The following SHROOM2 variants were observed in gnomAD, a reference collection of about 807,000 sequenced individuals.
SHROOM2 encodes the protein shroom family member 2, also known as protein Shroom2.
In SHROOM2, 33 loss-of-function variants were observed where a neutral mutation model predicts 75.9. The ratio of observed to expected loss-of-function variants is 0.43; its 90% CI spans 0.33 to 0.58. The LOEUF is 0.58. Ranked by LOEUF, SHROOM2 falls within the 20% of genes least tolerant of loss-of-function variation. SHROOM2 has a pLI of 0.04. For synonymous variants in SHROOM2, 655 were observed against 663.6 expected, an observed-to-expected ratio of 0.99 and a Z score of 0.20; for missense variants, 1,434 against 1,461.2, an observed-to-expected ratio of 0.98 and a Z score of 0.30.
chrX:9,902,841 C>T (rs1027930383), intron 5 of SHROOM2, among the ~76,000 whole-genome samples: 1 of 111,568 alleles, frequency 9.0e-6, no homozygotes, highest in African/African-American at 3.3e-5. Flanking sequence ...TCTGTGCCTT[C>T]TTGCAGCCAC....
At chrX:9,863,837 A>G (rs1366525204) in intron 1 of SHROOM2, among the ~76,000 whole-genome samples, 1 of 110,863 alleles carries the variant, frequency 9.0e-6, no homozygotes, top group Non-Finnish European at 1.9e-5. Flanking sequence ...TTTCTTTCCT[A>G]ATAGAGATTT....
At chrX:9,808,240 C>T (rs1005217954) in intron 1 of SHROOM2, among the ~76,000 whole-genome samples, 1 of 110,754 alleles carries the variant, frequency 9.0e-6, no homozygotes, top group Non-Finnish European at 1.9e-5. Context: ...TCCTGCACTT[C>T]TTTTTTCTTG....
Position 9,786,610 on chromosome X carries a change from A to G in SHROOM2, c.65A>G (p.Asp22Gly). Reference sequence around the variant, plus strand: ...GCCGAGGCCGAGACGCGGGCGGCGGACGGCGGGCGCCTGGTGGAGGTGCAG... The same window carrying G: ...GCCGAGGCCGAGACGCGGGCGGCGGGCGGCGGGCGCCTGGTGGAGGTGCAG... Reference protein sequence around the residue: ...RLAEAETRAADGGRLVEVQLS... With the variant: ...RLAEAETRAAGGGRLVEVQLS... Residue 22 changes from aspartate (D) to glycine (G), a missense_variant, in exon 1 of 10, where the codon GAC (aspartate) becomes GGC (glycine). By Grantham distance (94) the Asp-to-Gly change is moderately conservative. This residue lies in a region of SHROOM2 where 1,340 missense variants were observed against 1,338.3 expected (regional missense o/e 1.00). Coordinates refer to ENST00000380913, the MANE Select transcript of SHROOM2 (RefSeq NM_001649.4). The G allele has an allele frequency of 1.1e-6, 1 of 877,796 alleles. No homozygotes were observed. Among genetic ancestry groups the G allele is most frequent in the African/African-American group, 2.1e-5 (1 of 46,952 alleles). The allele number at this position is 877,796 out of a possible 1,213,427, so 72.3% of individuals were successfully genotyped here. A position where few individuals can be genotyped will look rare whatever the true frequency, so the allele number is the denominator to read the frequency against.
chrX:9,883,466 C>G (rs906326315), intron 2 of SHROOM2, among the ~76,000 whole-genome samples: 3 of 111,540 alleles, frequency 2.7e-5, no homozygotes, highest in African/African-American at 9.8e-5. Flanking sequence ...TGCAGACACT[C>G]CTGTCCCACT....
chrX:9,896,133 GGCCCCACCC>G lies in SHROOM2; in HGVS notation c.2231_2239del (p.His744_Pro746del), dbSNP rs755566403. 8.3e-7 allele frequency: 1 copy of G among 1,208,642 alleles called. No individual in the cohort carries two copies. The highest frequency in any genetic ancestry group is 3.0e-5 in the East Asian group (1 of 33,711). ...CAGCCACCCTCATCTACAAGTGGCG[GGCCCCACCC>G]GCCCCGCATCGGAGGCCGGAGACGG... On this transcript the variant is annotated inframe_deletion, in exon 4 of 10. Transcript: ENST00000380913.
In SHROOM2 at chrX:9,826,023, C is replaced by A. The variant is rs751627123; in HGVS notation, c.165+39313C>A. Among the ~76,000 whole-genome samples the A allele has an allele frequency of 3.6e-5, 4 of 112,531 alleles. No homozygotes were observed. The East Asian group carries it at 1.1e-3, about 32-fold the overall frequency. ...TGGCCACAGTTGGGAGCAAGCCTGC[C>A]TGGGCCTCCGCCTCCTGCAAATGTG... On this transcript the variant is annotated intron_variant, in intron 1 of 9. Coordinates refer to ENST00000380913, the MANE Select transcript of SHROOM2 (RefSeq NM_001649.4).
intron 5 of SHROOM2, among the ~76,000 whole-genome samples, chrX:9,930,641 A>T (rs1416681651): frequency 8.9e-6 from 1 of 112,324 alleles, no homozygotes; most frequent in African/African-American, 3.2e-5. Flanking sequence ...GCTTCTCAGA[A>T]TGCAAATCAG....
At chrX:9,939,394 G>A (rs762164191) in intron 8 of SHROOM2, 28 bp downstream of exon 8, 38 of 1,159,706 alleles carry the variant, frequency 3.3e-5, no homozygotes, top group Non-Finnish European at 4.4e-5. Flanking sequence ...AAATGACAGC[G>A]TGTGCGTGTC....
At chrX:9,816,580 C>CCTGCTG (rs112480338) in intron 1 of SHROOM2, among the ~76,000 whole-genome samples, 1,380 of 102,536 alleles carry the variant, frequency 0.013, 10 homozygotes, top group Middle Eastern at 0.035. Context: ...AGCCTTACCC[C>CCTGCTG]CTGCTGCTGC....
At chrX:9,870,820 G>A (rs1329058987) in intron 1 of SHROOM2, among the ~76,000 whole-genome samples, 1 of 112,369 alleles carries the variant, frequency 8.9e-6, no homozygotes, top group Non-Finnish European at 1.9e-5. Context: ...AAAACTTTGA[G>A]TTGGGTTTTT....
At chrX:9,913,798 T>C (rs1218436259) in intron 5 of SHROOM2, among the ~76,000 whole-genome samples, 3 of 112,254 alleles carry the variant, frequency 2.7e-5, no homozygotes, top group African/African-American at 9.7e-5. Context: ...TCTTAAGATT[T>C]ATAAGATGAA....
intron 5 of SHROOM2, among the ~76,000 whole-genome samples, chrX:9,920,513 T>C (rs943856799): frequency 2.7e-5 from 3 of 112,358 alleles, no homozygotes; most frequent in African/African-American, 9.7e-5. Context: ...AGATCATACC[T>C]AATAAATATT....
At chrX:9,892,678 C>T (rs779121911) in intron 3 of SHROOM2, among the ~76,000 whole-genome samples, 36 of 111,702 alleles carry the variant, frequency 3.2e-4, no homozygotes, top group South Asian at 1.1e-3. Context: ...GAGCATGCCC[C>T]GGGTTTGAGG....
chrX:9,787,992 C>CT (rs58004470), intron 1 of SHROOM2, among the ~76,000 whole-genome samples: 2,668 of 84,195 alleles, frequency 0.032, 107 homozygotes, highest in African/African-American at 0.1. Context: ...TTTCTTTCTT[C>CT]TTTTTTTTTT....
At position 9,840,807 on chromosome X, in the gene SHROOM2, C is replaced by T. The variant is rs534863584; in HGVS notation, c.166-32845C>T. On this transcript the variant is annotated intron_variant, in intron 1 of 9. Coordinates refer to ENST00000380913, the MANE Select transcript of SHROOM2 (RefSeq NM_001649.4). Reference sequence around the variant, plus strand: ...GTGGAATATGGGTGAGCTCCCCCCTCACTTCTTTATACTTTTATATAATAT... The same window carrying T: ...GTGGAATATGGGTGAGCTCCCCCCTTACTTCTTTATACTTTTATATAATAT... Among the ~76,000 whole-genome samples the T allele has an allele frequency of 3.6e-5, 4 of 111,881 alleles. No individual in the cohort carries two copies. In the East Asian group the frequency reaches 1.1e-3, roughly 31 times the overall value.
chrX:9,838,530 G>A (rs902182631), intron 1 of SHROOM2, among the ~76,000 whole-genome samples: 4 of 111,510 alleles, frequency 3.6e-5, no homozygotes, highest in African/African-American at 9.8e-5. Context: ...GGAAGGAGGG[G>A]TTATGGTAAT....
rs1215230120 is a variant in SHROOM2 at position 9,884,750 on chromosome X, A to G, written c.318-6227A>G. Among the ~76,000 whole-genome samples, 10 of 111,007 alleles carry G rather than the reference A, an allele frequency of 9.0e-5. No homozygotes were observed. The East Asian group carries it at 1.1e-3, about 12-fold the overall frequency. ...CTCTAAAAAATTGAAGTAAGTTTCA[A>G]TGAAGTTTGGTATACAATCCATGGG... is the stretch of plus-strand genomic sequence containing the variant. On this transcript the variant is annotated intron_variant, in intron 2 of 9. Transcript: ENST00000380913.
chrX:9,863,613 T>TTG (rs796171842), intron 1 of SHROOM2, among the ~76,000 whole-genome samples: 231 of 104,471 alleles, frequency 2.2e-3, no homozygotes, highest in African/African-American at 5.4e-3. Context: ...TATTTTTTTT[T>TTG]GGGGGGGGTG....
chrX:9,790,518 G>A (rs2083641912), intron 1 of SHROOM2, among the ~76,000 whole-genome samples: 1 of 111,671 alleles, frequency 9.0e-6, no homozygotes, highest in Non-Finnish European at 1.9e-5. Context: ...ATCTGCACGA[G>A]GGAGTGCTGC....
Sources: gnomAD v4.1 joint callset for allele counts (sites outside exome capture counted in the v4.1 genomes callset) on GRCh38, gnomAD v4.1.1 for gene constraint, gnomAD v4.1.1 regional missense constraint, MANE v1.5 for transcripts, NCBI Gene and HGNC (gene_info 2026-07-23, HGNC 2026-07-21) for gene names.